Variants in TMEM131 observed in about 807,000 individuals in gnomAD.
TMEM131 encodes transmembrane protein 131, also known as 2610524E03Rik.
In TMEM131, 66 loss-of-function variants were observed where a neutral mutation model predicts 211.6. The ratio of observed to expected loss-of-function variants is 0.31; its 90% CI spans 0.26 to 0.38. The LOEUF is 0.38. Among genes scored for constraint, TMEM131 ranks in the 10% least tolerant of loss-of-function variants. The pLI, the probability that TMEM131 is intolerant of heterozygous loss-of-function variation, is 1.00. For missense variants in TMEM131, 2,036 were observed against 2,299.3 expected, an observed-to-expected ratio of 0.89 and a Z score of 2.34; for synonymous variants, 844 against 841.3, an observed-to-expected ratio of 1.00 and a Z score of -0.06.
chr2:97,964,580 C>T (rs897717080), intron 1 of TMEM131, among the ~76,000 whole-genome samples: 3 of 152,176 alleles, frequency 2.0e-5, no homozygotes, highest in African/African-American at 7.2e-5. Context: ...AATATACGTC[C>T]TTGACTAAGT....
At chr2:97,868,890 TACG>T (rs1333578738) in intron 4 of TMEM131, among the ~76,000 whole-genome samples, 1 of 152,120 alleles carries the variant, frequency 6.6e-6, no homozygotes, top group Non-Finnish European at 1.5e-5. Context: ...CAGGTGGGGT[TACG>T]ACACCATGAA....
chr2:97,957,573 T>C (rs929556002), intron 1 of TMEM131, among the ~76,000 whole-genome samples: 2 of 152,106 alleles, frequency 1.3e-5, no homozygotes, highest in African/African-American at 4.8e-5. Flanking sequence ...GGTTATTTCA[T>C]GATCTCATTG....
Position 97,792,945 on chromosome 2 carries a change from C to G in TMEM131, c.3585G>C (p.Gly1195=). ...ATGATGAACCGCCTGCTCCACAGAA[C>G]CCCCTACTGTGACCGGGGTCACAGC... The part of the protein sequence containing the change: ...TLSCDPGHSR[G]FCGAGGSSSR... Residue 1195 remains glycine, a synonymous_variant, in exon 31 of 41, where the codon GGG becomes GGC. Transcript: ENST00000186436. 6.2e-7 allele frequency: 1 copy of G among 1,604,994 alleles called. No homozygotes were observed. Among genetic ancestry groups the G allele is most frequent in the Non-Finnish European group, 8.5e-7 (1 of 1,175,976 alleles).
chr2:97,889,947 C>T (rs1024985041), intron 3 of TMEM131, among the ~76,000 whole-genome samples: 3 of 152,178 alleles, frequency 2.0e-5, no homozygotes, highest in Non-Finnish European at 2.9e-5. Context: ...TCAAACACGG[C>T]GGGGCTGTGT....
At chr2:97,981,665 C>T (rs930331959) in intron 1 of TMEM131, among the ~76,000 whole-genome samples, 1 of 152,068 alleles carries the variant, frequency 6.6e-6, no homozygotes, top group Non-Finnish European at 1.5e-5. Flanking sequence ...TGTTCAACCA[C>T]CATCCCAAAG....
chr2:97,915,796 TAA>T (rs1345920288), intron 2 of TMEM131, among the ~76,000 whole-genome samples: 1 of 152,244 alleles, frequency 6.6e-6, no homozygotes, highest in African/African-American at 2.4e-5. Flanking sequence ...AGTTTTACAT[TAA>T]GTCCATGATC....
chr2:97,864,234 T>C (rs1674180064), intron 4 of TMEM131, among the ~76,000 whole-genome samples: 1 of 152,082 alleles, frequency 6.6e-6, no homozygotes, highest in Non-Finnish European at 1.5e-5. Flanking sequence ...CTGGGAAGGA[T>C]AGCAGCGGGG....
chr2:97,796,758 T>C (rs1680785696), intron 27 of TMEM131, 86 bp downstream of exon 27: 33 of 1,369,022 alleles, frequency 2.4e-5, no homozygotes, highest in Non-Finnish European at 3.1e-5. Context: ...CAGGTGCACA[T>C]ACAGAAATAA....
intron 4 of TMEM131, among the ~76,000 whole-genome samples, chr2:97,868,890 T>A (rs969371667): frequency 6.6e-6 from 1 of 152,120 alleles, no homozygotes; most frequent in African/African-American, 2.4e-5. Context: ...CAGGTGGGGT[T>A]ACGACACCAT....
At chr2:97,837,392 T>C (rs1311499473) in intron 7 of TMEM131, among the ~76,000 whole-genome samples, 1 of 152,230 alleles carries the variant, frequency 6.6e-6, no homozygotes, top group East Asian at 1.9e-4. Context: ...ACAGTGTAAG[T>C]ACCATAGTTG....
chr2:97,950,266 T>C (rs962576772), intron 1 of TMEM131, among the ~76,000 whole-genome samples: 2 of 152,244 alleles, frequency 1.3e-5, no homozygotes, highest in African/African-American at 2.4e-5. Flanking sequence ...GTCTGTATGA[T>C]AGTTAAAATC....
intron 40 of TMEM131, among the ~76,000 whole-genome samples, chr2:97,758,638 C>T (rs1294651137): frequency 1.3e-5 from 2 of 152,246 alleles, no homozygotes; most frequent in Non-Finnish European, 2.9e-5. Flanking sequence ...TTAGGAGGGA[C>T]TCCAGAGACC....
chr2:97,826,130 A>G (rs949792546), intron 11 of TMEM131, among the ~76,000 whole-genome samples: 1 of 152,148 alleles, frequency 6.6e-6, no homozygotes, highest in Non-Finnish European at 1.5e-5. Context: ...TAACCTATAT[A>G]CTGATGAAAG....
intron 22 of TMEM131, among the ~76,000 whole-genome samples, chr2:97,804,579 C>T (rs746795671): frequency 7.6e-5 from 11 of 145,684 alleles, no homozygotes; most frequent in Admixed American, 3.5e-4. Context: ...AGGAGAATCA[C>T]GCCACTGCAC....
intron 1 of TMEM131, 86 bp downstream of exon 1, chr2:97,995,390 G>A (rs1680453025): frequency 4.8e-6 from 6 of 1,240,476 alleles, no homozygotes; most frequent in South Asian, 2.6e-5. Flanking sequence ...CCCCGGCCGC[G>A]GCCCTTCCTC....
chr2:97,995,575 C>G lies in TMEM131; in HGVS notation c.88G>C (p.Ala30Pro). Residue 30 changes from alanine (A) to proline (P), a missense_variant, in exon 1 of 41, where the codon GCC (alanine) becomes CCC (proline). By Grantham distance (27) the Ala-to-Pro change is conservative (BLOSUM62 -1). Coordinates refer to ENST00000186436, the MANE Select transcript of TMEM131 (RefSeq NM_015348.2). ...SAGAGLEPAA[A>P]RSGGPRSAAA... The stretch of plus-strand genomic sequence containing the variant: ...GCGCTCCGCGGGCCCCCGCTACGGG[C>G]GGCCGCAGGTTCCAGCCCGGCCCCG... 7.7e-7 allele frequency: 1 copy of G among 1,301,550 alleles called. No individual in the cohort carries two copies. The highest frequency in any genetic ancestry group is 2.3e-5 in the South Asian group (1 of 42,930). The allele number at this position is 1,301,550 out of a possible 1,614,324, so 80.6% of individuals were successfully genotyped here.
At chr2:97,856,054 A>G (rs895418119) in intron 5 of TMEM131, among the ~76,000 whole-genome samples, 4 of 152,202 alleles carry the variant, frequency 2.6e-5, no homozygotes, top group Non-Finnish European at 5.9e-5. Context: ...GTTTGTCTGA[A>G]AATTTAATTA....
At position 97,762,042 on chromosome 2, in the gene TMEM131, A is replaced by AGCTGCTGTTGACGAT. The variant is rs1678878519; in HGVS notation, c.4867_4881dup (p.Ile1623_Ser1627dup). The AGCTGCTGTTGACGAT allele has an allele frequency of 6.4e-7, 1 of 1,565,388 alleles. No individual in the cohort carries two copies. The highest frequency in any genetic ancestry group is 2.1e-5 in the Admixed American group (1 of 48,166). Reference sequence around the variant, plus strand: ...AGGAAGCAGCAGGCCTACCTGCTGGAGCTGCTGTTGACGATGCTGCTGTAG... The same window carrying AGCTGCTGTTGACGAT: ...AGGAAGCAGCAGGCCTACCTGCTGGAGCTGCTGTTGACGATGCTGCTGTTGACGATGCTGCTGTAG... On this transcript the variant is annotated inframe_insertion, in exon 36 of 41. Transcript: ENST00000186436.
chr2:97,948,507 C>T (rs1317121943), intron 1 of TMEM131, among the ~76,000 whole-genome samples: 2 of 152,122 alleles, frequency 1.3e-5, no homozygotes, highest in African/African-American at 4.8e-5. Flanking sequence ...CCAGGAGACA[C>T]CACTACATAA....
Sources: allele counts gnomAD v4.1 joint callset (sites outside exome capture counted in the v4.1 genomes callset), GRCh38; gene constraint gnomAD v4.1.1; transcripts MANE v1.5; gene names NCBI Gene and HGNC (gene_info 2026-07-23, HGNC 2026-07-21).